STYXL2: variants seen among roughly 807,000 people sequenced by gnomAD.
STYXL2 encodes the protein serine/threonine/tyrosine interacting like 2, also known as serine/threonine/tyrosine-interacting-like protein 2.
STYXL2 carries 44 observed loss-of-function variants against 52.4 expected under a neutral mutation model. The ratio of observed to expected loss-of-function variants is 0.84; its 90% CI spans 0.66 to 1.08. The LOEUF is 1.08. Among genes scored for constraint, STYXL2 ranks in the 50% least tolerant of loss-of-function variants. STYXL2 has a pLI of 0.00. For synonymous variants in STYXL2, 604 were observed against 586.9 expected, an observed-to-expected ratio of 1.03 and a Z score of -0.42; for missense variants, 1,604 against 1,471.7, an observed-to-expected ratio of 1.09 and a Z score of -1.47.
chr1:167,098,073 G>A (rs1343598749), intron 2 of STYXL2, among the ~76,000 whole-genome samples: 3 of 143,870 alleles, frequency 2.1e-5, no homozygotes, highest in South Asian at 2.1e-4. Context: ...GTGCAGTGGC[G>A]TGATCTTGGC....
rs142938681 is a variant in STYXL2 at position 167,117,353 on chromosome 1, A to T, written c.231A>T (p.Ala77=). Residue 77 remains alanine (A), a synonymous_variant, in exon 4 of 6, where the codon GCA becomes GCT. Coordinates refer to ENST00000361200, the MANE Select transcript of STYXL2 (RefSeq NM_001080426.3). ...AACTCAAGCCACCGGGGGTCAGAGC[A>T]GACGCAGAGTGTCCAGGCATGCTGG... ...NEELKPPGVR[A]DAECPGMLES... The T allele has an allele frequency of 1.0e-3, 1,647 of 1,610,884 alleles. 16 individuals are homozygous for T. In the African/African-American group the frequency reaches 0.019, roughly 19 times the overall value.
In STYXL2 at chr1:167,117,396, C is replaced by A. The variant is rs373710646; in HGVS notation, c.274C>A (p.Leu92Met). The stretch of plus-strand genomic sequence containing the variant: ...CATGCTGGAGTCTGCTGAACAGCTG[C>A]TGGTGGAGGACCTGTACAACCGCGT... ...PGMLESAEQL[L>M]VEDLYNRVRE... is the part of the protein sequence containing the mutation. The change falls in exon 4 of 6, where the codon CTG becomes ATG. Residue 92 changes from leucine to methionine, a missense_variant. Transcript: ENST00000361200. 1.8e-5 allele frequency: 29 copies of A among 1,612,904 alleles called. No individual in the cohort carries two copies. The highest frequency in any genetic ancestry group is 2.7e-5 in the African/African-American group (2 of 75,024).
At chr1:167,109,188 A>G (rs763331961) in intron 2 of STYXL2, among the ~76,000 whole-genome samples, 1 of 152,194 alleles carries the variant, frequency 6.6e-6, no homozygotes, top group Non-Finnish European at 1.5e-5. Flanking sequence ...GGGAATGGCA[A>G]ACAGGAAGTG....
chr1:167,109,235 G>T (rs1258494519), intron 2 of STYXL2, among the ~76,000 whole-genome samples: 1 of 152,200 alleles, frequency 6.6e-6, no homozygotes, highest in East Asian at 1.9e-4. Context: ...GTGGGGTAGT[G>T]GCAGGGCCTG....
At chr1:167,117,013 A>T (rs1448947464) in intron 3 of STYXL2, among the ~76,000 whole-genome samples, 4 of 152,140 alleles carry the variant, frequency 2.6e-5, no homozygotes, top group Admixed American at 2.0e-4. Context: ...TATGAATCAA[A>T]GTACACCTAA....
chr1:167,124,759 G>T (rs1158651692), intron 5 of STYXL2, among the ~76,000 whole-genome samples: 1 of 152,152 alleles, frequency 6.6e-6, no homozygotes, highest in East Asian at 1.9e-4. Context: ...CGTTTTACAG[G>T]TTTCAGTTGA....
intron 4 of STYXL2, 102 bp from the exon 5 acceptor site, chr1:167,119,147 C>A: frequency 9.4e-7 from 1 of 1,064,530 alleles, no homozygotes; most frequent in Non-Finnish European, 1.4e-6. Context: ...AGGCACTTGC[C>A]CAGCTGTGGC....
At chr1:167,124,312 T>A (rs1667918270) in intron 5 of STYXL2, among the ~76,000 whole-genome samples, 1 of 152,196 alleles carries the variant, frequency 6.6e-6, no homozygotes. Flanking sequence ...GAATTTTCTG[T>A]CTCTGACCTC....
At position 167,126,468 on chromosome 1, in the gene STYXL2, A is replaced by C. The variant is rs926598511; in HGVS notation, c.1337A>C (p.His446Pro). The change falls in exon 6 of 6, where the codon CAC becomes CCC. Residue 446 changes from histidine (H) to proline (P), a missense_variant. Physicochemically the swap from His to Pro is moderately conservative, Grantham distance 77. Coordinates refer to ENST00000361200, the MANE Select transcript of STYXL2 (RefSeq NM_001080426.3). ...AGCGCCTGGGAGAGCGTGAGCAGCC[A>C]CGACATCTGGGTCCTGAAGCAGCAG... ...ESSAWESVSS[H>P]DIWVLKQQLE... The C allele has an allele frequency of 2.8e-5, 45 of 1,597,998 alleles. No individual in the cohort carries two copies. The highest frequency in any genetic ancestry group is 3.6e-5 in the Non-Finnish European group (42 of 1,172,648).
intron 2 of STYXL2, among the ~76,000 whole-genome samples, chr1:167,110,871 T>G (rs923219757): frequency 3.3e-5 from 5 of 152,190 alleles, no homozygotes; most frequent in Non-Finnish European, 7.3e-5. Flanking sequence ...TTGTAGAAAC[T>G]TTATTATAAA....
Position 167,126,091 on chromosome 1 carries a change from C to T in STYXL2, c.960C>T (p.Ser320=), listed in dbSNP as rs1031089851. ...HALTVEEEDD[S]ASHLSGSSLG... is the part of the protein sequence containing the mutation. ...TGACGGTGGAAGAGGAGGACGACAG[C>T]GCCAGCCACCTGAGTGGCTCCTCCC... The change falls in exon 6 of 6, where the codon AGC becomes AGT. Residue 320 remains serine, a synonymous_variant. Coordinates refer to ENST00000361200, the MANE Select transcript of STYXL2 (RefSeq NM_001080426.3). 5 of 1,525,906 alleles carry T rather than the reference C, an allele frequency of 3.3e-6. No homozygotes were observed. Among genetic ancestry groups the T allele is most frequent in the East Asian group, 2.3e-5 (1 of 43,778 alleles). The allele number at this position is 1,525,906 out of a possible 1,614,324, so 94.5% of individuals were successfully genotyped here.
At position 167,126,450 on chromosome 1, in the gene STYXL2, G is replaced by T; in HGVS notation, c.1319G>T (p.Trp440Leu). ...CGCACCCTGAGCGAGAGCAGCGCCT[G>T]GGAGAGCGTGAGCAGCCACGACATC... Reference protein sequence around the residue: ...RRRTLSESSAWESVSSHDIWV... With the variant: ...RRRTLSESSALESVSSHDIWV... The change falls in exon 6 of 6, where the codon TGG (tryptophan) becomes TTG (leucine). Residue 440 changes from tryptophan to leucine, a missense_variant. Transcript: ENST00000361200. 6.3e-7 allele frequency: 1 copy of T among 1,583,336 alleles called. No homozygotes were observed. The highest frequency in any genetic ancestry group is 8.6e-7 in the Non-Finnish European group (1 of 1,165,282).
chr1:167,095,956 G>C (rs1667277572), intron 2 of STYXL2, among the ~76,000 whole-genome samples: 2 of 152,112 alleles, frequency 1.3e-5, no homozygotes. Context: ...AGCACTCATG[G>C]GCCAGGGCAC....
At chr1:167,096,835 T>A (rs908742092) in intron 2 of STYXL2, among the ~76,000 whole-genome samples, 2 of 152,176 alleles carry the variant, frequency 1.3e-5, no homozygotes, top group South Asian at 4.1e-4. Flanking sequence ...CTATAGAACA[T>A]GTTTACTGCC....
Position 167,126,881 on chromosome 1 carries a change from G to A in STYXL2, c.1750G>A (p.Val584Ile), listed in dbSNP as rs369939829. 6 of 1,613,014 alleles carry A rather than the reference G, an allele frequency of 3.7e-6. No homozygotes were observed. The highest frequency in any genetic ancestry group is 4.2e-6 in the Non-Finnish European group (5 of 1,179,378). ...EAVGEKNPSD[V>I]SLTAYQAWKL... The stretch of plus-strand genomic sequence containing the variant: ...AGTAGGGGAGAAGAACCCCTCCGAC[G>A]TCAGCCTGACAGCCTACCAGGCCTG... Residue 584 changes from valine (V) to isoleucine (I), a missense_variant, in exon 6 of 6, where the codon GTC becomes ATC. Physicochemically the swap from Val to Ile is conservative, Grantham distance 29. Coordinates refer to ENST00000361200, the MANE Select transcript of STYXL2 (RefSeq NM_001080426.3).
intron 4 of STYXL2, 113 bp downstream of exon 4, chr1:167,117,672 T>G: frequency 1.1e-6 from 1 of 940,438 alleles, no homozygotes; most frequent in Non-Finnish European, 1.6e-6. Flanking sequence ...TCCAGCACAA[T>G]GAGGCTGCCT....
chr1:167,125,843 G>C lies in STYXL2; in HGVS notation c.712G>C (p.Ala238Pro). The change falls in exon 6 of 6, where the codon GCC (alanine) becomes CCC (proline). Residue 238 changes from alanine to proline, a missense_variant. By Grantham distance (27) the Ala-to-Pro change is conservative (BLOSUM62 -1). Transcript: ENST00000361200. ...CAGCCGGTCAGCAGTGCTGGTGGTC[G>C]CCTACCTGATGATCTTCCACAACAT... ...GISRSAVLVV[A>P]YLMIFHNMAI... 2 of 1,613,410 alleles carry C rather than the reference G, an allele frequency of 1.2e-6. No individual in the cohort carries two copies. The highest frequency in any genetic ancestry group is 1.7e-6 in the Non-Finnish European group (2 of 1,179,708).
chr1:167,113,410 C>T (rs1018415524), intron 2 of STYXL2, among the ~76,000 whole-genome samples: 3 of 152,186 alleles, frequency 2.0e-5, no homozygotes, highest in African/African-American at 7.2e-5. Flanking sequence ...GAAAGTGAAG[C>T]CACATCAGGG....
At chr1:167,099,141 T>C (rs1173370642) in intron 2 of STYXL2, among the ~76,000 whole-genome samples, 2 of 152,172 alleles carry the variant, frequency 1.3e-5, no homozygotes, top group Non-Finnish European at 2.9e-5. Flanking sequence ...TTTCAATTTC[T>C]ATGTTTAATA....
Sources: allele counts gnomAD v4.1 joint callset (sites outside exome capture counted in the v4.1 genomes callset), GRCh38; gene constraint gnomAD v4.1.1; transcripts MANE v1.5; gene names NCBI Gene and HGNC (gene_info 2026-07-23, HGNC 2026-07-21).